Variants in FOXK1 observed in about 807,000 individuals in gnomAD.
The protein encoded by FOXK1 is forkhead box K1.
A neutral mutation model predicts 51.9 loss-of-function variants in FOXK1; 19 were observed. The observed-to-expected ratio is 0.37, with a 90% CI of 0.26 to 0.54. The LOEUF (loss-of-function observed/expected upper bound fraction) is 0.54, where lower values mean the gene tolerates loss of function less well. Ranked by LOEUF, FOXK1 falls within the 20% of genes least tolerant of loss-of-function variation. The pLI, the probability that FOXK1 is intolerant of heterozygous loss-of-function variation, is 0.87. For missense variants in FOXK1, 870 were observed against 1,032.7 expected, an observed-to-expected ratio of 0.84 and a Z score of 2.16; for synonymous variants, 537 against 482.6, an observed-to-expected ratio of 1.11 and a Z score of -1.48.
chr7:4,728,359 G>C (rs529458524), intron 1 of FOXK1, among the ~76,000 whole-genome samples: 9 of 152,328 alleles, frequency 5.9e-5, no homozygotes, highest in African/African-American at 1.9e-4. Flanking sequence ...AGTCCTCGGG[G>C]TTGTCCGGCT....
At chr7:4,742,941 A>G (rs910616945) in intron 2 of FOXK1, among the ~76,000 whole-genome samples, 1 of 152,224 alleles carries the variant, frequency 6.6e-6, no homozygotes, top group Non-Finnish European at 1.5e-5. Context: ...AGAGAAGTTC[A>G]GGGACAGTGC....
chr7:4,682,471 C>A lies in FOXK1; in HGVS notation c.163C>A (p.Pro55Thr). Residue 55 changes from proline to threonine, a missense_variant, in exon 1 of 9, where the codon CCG becomes ACG. This residue lies in a region of FOXK1 where 399 missense variants were observed against 475.6 expected (regional missense o/e 0.84). Coordinates refer to ENST00000328914, the MANE Select transcript of FOXK1 (RefSeq NM_001037165.2). The surrounding 1 kb of genome is among the most constrained non-coding windows in gnomAD (Gnocchi z 7.6). ...QPQPPPGPPP[P>T]PPPPLPPGAI... ...CCAGCCTCCGCCCGGGCCGCCGCCGCCGCCGCCACCGCCGCTGCCTCCGGG... is the reference window on the plus strand; with the variant it reads ...CCAGCCTCCGCCCGGGCCGCCGCCGACGCCGCCACCGCCGCTGCCTCCGGG... The A allele has an allele frequency of 1.0e-6, 1 of 986,890 alleles. No homozygotes were observed. Among genetic ancestry groups the A allele is most frequent in the Non-Finnish European group, 1.2e-6 (1 of 832,706 alleles). 61.1% of individuals were successfully genotyped at this position (986,890 alleles called of 1,614,324 possible).
chr7:4,710,750 C>A (rs749853819), intron 1 of FOXK1, among the ~76,000 whole-genome samples: 4 of 152,054 alleles, frequency 2.6e-5, no homozygotes, highest in Admixed American at 6.6e-5. Flanking sequence ...GCAGCCCCAG[C>A]GGTGCAGGTT....
In FOXK1 at chr7:4,722,027, A is replaced by G. The variant is rs867807826; in HGVS notation, c.561-18811A>G. Among the ~76,000 whole-genome samples the G allele has an allele frequency of 1.3e-5, 2 of 152,204 alleles. No homozygotes were observed. The highest frequency in any genetic ancestry group is 4.8e-5 in the African/African-American group (2 of 41,456). On this transcript the variant is annotated intron_variant, in intron 1 of 8. Transcript: ENST00000328914. This position sits in a 1 kb window ranked among gnomAD's most constrained non-coding sequence, Gnocchi z 5.1. The stretch of plus-strand genomic sequence containing the variant: ...TCCCAAAGGAGGCAGCCGGGGTGAG[A>G]CTGGTGACCCCGCTGCATCCCATAC...
In FOXK1 at chr7:4,734,390, G is replaced by A. The variant is rs143483596; in HGVS notation, c.561-6448G>A. Among the ~76,000 whole-genome samples, 1 of 152,330 alleles carries A rather than the reference G, an allele frequency of 6.6e-6. No individual in the cohort carries two copies. Among genetic ancestry groups the A allele is most frequent in the Non-Finnish European group, 1.5e-5 (1 of 68,030 alleles). ...CTTGTGGTCCTGGCCTTGGTGGGCA[G>A]GTGCAGGGCCCGCTCCCTCCTTGGG... On this transcript the variant is annotated intron_variant, in intron 1 of 8. Transcript: ENST00000328914. The surrounding 1 kb of genome is among the most constrained non-coding windows in gnomAD (Gnocchi z 5.2).
rs1472901268 is a variant in FOXK1, at chr7:4,764,940, A to G, written c.*2476A>G. On this transcript the variant is annotated 3_prime_UTR_variant, in exon 9 of 9. Coordinates refer to ENST00000328914, the MANE Select transcript of FOXK1 (RefSeq NM_001037165.2). ...TTCCTGTTAGCGGTAGCGTTCTCTG[A>G]TTTCACTGCTTCATTGCCAAGGGCG... is the stretch of plus-strand genomic sequence containing the variant. 6.6e-6 allele frequency: 1 copy of G among 152,314 alleles called. No individual in the cohort carries two copies. Among genetic ancestry groups the G allele is most frequent in the Non-Finnish European group, 1.5e-5 (1 of 68,152 alleles). 9.4% of individuals were successfully genotyped at this position (152,314 alleles called of 1,614,324 possible). A position where few individuals can be genotyped will look rare whatever the true frequency, so the allele number is the denominator to read the frequency against.
Position 4,759,554 on chromosome 7 carries a change from C to G in FOXK1, c.1655C>G (p.Ala552Gly). Residue 552 changes from alanine to glycine, a missense_variant, in exon 7 of 9, where the codon GCG (alanine) becomes GGG (glycine). Physicochemically the swap from Ala to Gly is moderately conservative, Grantham distance 60. Coordinates refer to ENST00000328914, the MANE Select transcript of FOXK1 (RefSeq NM_001037165.2). ...GGCGCGGCGGGGGGCTCCCATGATG[C>G]GGCGGGCGCAGCCGTGCTGGACCTG... ...SQGAAGGSHDAAGAAVLDLGS... is the reference protein window; with the variant it reads ...SQGAAGGSHDGAGAAVLDLGS... 6.5e-7 allele frequency: 1 copy of G among 1,542,772 alleles called. No homozygotes were observed. The highest frequency in any genetic ancestry group is 8.7e-7 in the Non-Finnish European group (1 of 1,150,000).
intron 2 of FOXK1, among the ~76,000 whole-genome samples, chr7:4,750,445 C>CTT (rs1217215296): frequency 7.0e-5 from 10 of 142,676 alleles, no homozygotes; most frequent in East Asian, 2.0e-4. Flanking sequence ...GTTTTCAGCA[C>CTT]TTTTTTTTTT....
chr7:4,751,210 G>A (rs536530358), intron 2 of FOXK1, among the ~76,000 whole-genome samples: 24 of 150,310 alleles, frequency 1.6e-4, no homozygotes, highest in Non-Finnish European at 2.5e-4. Flanking sequence ...TAGTAGAGAC[G>A]GGGTTTCACT....
chr7:4,740,406 G>A (rs1254675804), intron 1 of FOXK1, among the ~76,000 whole-genome samples: 1 of 150,284 alleles, frequency 6.7e-6, no homozygotes, highest in Non-Finnish European at 1.5e-5. Flanking sequence ...CTCCAGCCTG[G>A]GCGACAGAGT....
intron 1 of FOXK1, among the ~76,000 whole-genome samples, chr7:4,702,492 G>A (rs1251261977): frequency 6.6e-6 from 1 of 152,050 alleles, no homozygotes; most frequent in African/African-American, 2.4e-5. Context: ...ACAGGCACGC[G>A]CCACCATGCC....
In FOXK1 at chr7:4,762,344, C is replaced by T; in HGVS notation, c.2082C>T (p.Ala694=). Residue 694 remains alanine, a synonymous_variant, in exon 9 of 9, where the codon GCC becomes GCT. Coordinates refer to ENST00000328914, the MANE Select transcript of FOXK1 (RefSeq NM_001037165.2). This position sits in a 1 kb window ranked among gnomAD's most constrained non-coding sequence, Gnocchi z 5.7. The part of the protein sequence containing the change: ...PATATTASAS[A]SSTGEPEVKR... The stretch of plus-strand genomic sequence containing the variant: ...CTGCCACCACCGCCTCTGCCTCCGC[C>T]TCTTCCACTGGAGAGCCCGAGGTCA... 1.3e-6 allele frequency: 2 copies of T among 1,550,918 alleles called. No homozygotes were observed. The highest frequency in any genetic ancestry group is 1.7e-6 in the Non-Finnish European group (2 of 1,146,898).
intron 1 of FOXK1, among the ~76,000 whole-genome samples, chr7:4,694,749 C>T (rs1279832344): frequency 3.3e-5 from 5 of 152,142 alleles, no homozygotes; most frequent in African/African-American, 1.2e-4. Flanking sequence ...CCACAGGGGT[C>T]AGTTAGTAGC....
At position 4,733,657 on chromosome 7, in the gene FOXK1, G is replaced by T. The variant is rs1300066661; in HGVS notation, c.561-7181G>T. On this transcript the variant is annotated intron_variant, in intron 1 of 8. Coordinates refer to ENST00000328914, the MANE Select transcript of FOXK1 (RefSeq NM_001037165.2). The surrounding 1 kb of genome is among the most constrained non-coding windows in gnomAD (Gnocchi z 5.0). ...GAGAGAAGGTGCTCTGGGAACTACA[G>T]CCTCAGCCACAGTCCAGGAAGCTGC... Among the ~76,000 whole-genome samples the T allele has an allele frequency of 6.6e-6, 1 of 152,228 alleles. No individual in the cohort carries two copies. Among genetic ancestry groups the T allele is most frequent in the Non-Finnish European group, 1.5e-5 (1 of 68,034 alleles).
At position 4,761,397 on chromosome 7, in the gene FOXK1, C is replaced by G. The variant is rs1316999650; in HGVS notation, c.1921+109C>G. On this transcript the variant is annotated intron_variant, in intron 8 of 8. Coordinates refer to ENST00000328914, the MANE Select transcript of FOXK1 (RefSeq NM_001037165.2). This position sits in a 1 kb window ranked among gnomAD's most constrained non-coding sequence, Gnocchi z 6.2. ...GTATCTCCCGATCCTCCACTCAGTT[C>G]AATTTATTGAGCACCTGCTATACTC... 1.8e-6 allele frequency: 2 copies of G among 1,125,208 alleles called. No individual in the cohort carries two copies. The highest frequency in any genetic ancestry group is 3.1e-5 in the African/African-American group (2 of 64,888). The allele number at this position is 1,125,208 out of a possible 1,614,324, so 69.7% of individuals were successfully genotyped here.
rs1780976137 is a variant in FOXK1, at chr7:4,764,190, C to A, written c.*1726C>A. ...GCAGTGGAGTGGGGTCGCCCGTGGC[C>A]CCCATCAGAGTCCCCGTCCCCCAGG... On this transcript the variant is annotated 3_prime_UTR_variant, in exon 9 of 9. Coordinates refer to ENST00000328914, the MANE Select transcript of FOXK1 (RefSeq NM_001037165.2). The A allele has an allele frequency of 6.5e-6, 1 of 153,660 alleles. No individual in the cohort carries two copies. The highest frequency in any genetic ancestry group is 6.5e-5 in the Admixed American group (1 of 15,286). 9.5% of individuals were successfully genotyped at this position (153,660 alleles called of 1,614,324 possible). A position where few individuals can be genotyped will look rare whatever the true frequency, so the allele number is the denominator to read the frequency against.
intron 1 of FOXK1, among the ~76,000 whole-genome samples, chr7:4,699,488 C>T (rs915365228): frequency 6.6e-6 from 1 of 152,044 alleles, no homozygotes; most frequent in African/African-American, 2.4e-5. Flanking sequence ...CTGTGTCAGC[C>T]TCCCGAGTAG....
At chr7:4,702,381 C>T (rs1264791805) in intron 1 of FOXK1, among the ~76,000 whole-genome samples, 1 of 152,004 alleles carries the variant, frequency 6.6e-6, no homozygotes, top group Non-Finnish European at 1.5e-5. Flanking sequence ...CTCACTCTGT[C>T]GCCCAGGCTG....
intron 1 of FOXK1, among the ~76,000 whole-genome samples, chr7:4,720,801 C>G (rs1780298740): frequency 6.6e-6 from 1 of 151,782 alleles, no homozygotes; most frequent in Non-Finnish European, 1.5e-5. Flanking sequence ...TCACTGCAAC[C>G]TCTACCTCCT....
Sources: gnomAD v4.1 joint callset for allele counts (sites outside exome capture counted in the v4.1 genomes callset) on GRCh38, gnomAD v4.1.1 for gene constraint, gnomAD v4.1.1 regional missense constraint, Gnocchi (gnomAD v3.1) non-coding constraint, MANE v1.5 for transcripts, NCBI Gene and HGNC (gene_info 2026-07-23, HGNC 2026-07-21) for gene names.